ARHGEF3: variants seen among roughly 807,000 people sequenced by gnomAD.
ARHGEF3 encodes the protein Rho guanine nucleotide exchange factor 3.
ARHGEF3 carries 28 observed loss-of-function variants against 63.2 expected under a neutral mutation model. That is an observed-to-expected ratio of 0.44 (90% confidence interval 0.33 to 0.61). The LOEUF is 0.61. ARHGEF3 is among the 20% of genes least tolerant of loss of function. The pLI is 0.03. For synonymous variants in ARHGEF3, 266 were observed against 254.2 expected (o/e 1.05, Z -0.44); for missense variants, 533 against 659.3 (o/e 0.81, Z 2.10).
At chr3:57,030,531 C>T (rs1265343598) in intron 2 of ARHGEF3, among the ~76,000 whole-genome samples, 2 of 152,190 alleles carry the variant, frequency 1.3e-5, no homozygotes, top group Non-Finnish European at 2.9e-5. Flanking sequence ...ATTAAATCTT[C>T]CCATTTCTCC....
At chr3:57,029,852 T>C (rs1201969779) in intron 2 of ARHGEF3, among the ~76,000 whole-genome samples, 1 of 152,124 alleles carries the variant, frequency 6.6e-6, no homozygotes, top group African/African-American at 2.4e-5. Context: ...CTCTCCCTTA[T>C]GTTGGGTTTC....
upstream of ARHGEF3, among the ~76,000 whole-genome samples, chr3:56,806,421 C>A (rs939032398): frequency 3.3e-5 from 5 of 152,264 alleles, no homozygotes; most frequent in African/African-American, 1.2e-4. Context: ...ACTGCTCTAA[C>A]AGGCAGCTTC....
intron 2 of ARHGEF3, among the ~76,000 whole-genome samples, chr3:57,011,282 C>T (rs9866708): frequency 0.026 from 4,012 of 152,256 alleles, 179 homozygotes; most frequent in African/African-American, 0.091. Flanking sequence ...TCTAAAACAA[C>T]GATTTCACCT....
chr3:56,818,720 C>G (rs1207499337), intron 4 of ARHGEF3, among the ~76,000 whole-genome samples: 2 of 152,140 alleles, frequency 1.3e-5, no homozygotes, highest in Non-Finnish European at 2.9e-5. Flanking sequence ...TCCCCCTGCA[C>G]CCCCTGCTGC....
intron 4 of ARHGEF3, among the ~76,000 whole-genome samples, chr3:56,812,695 G>A (rs1438868628): frequency 6.6e-6 from 1 of 152,196 alleles, no homozygotes; most frequent in Non-Finnish European, 1.5e-5. Flanking sequence ...GGCAGATTTT[G>A]CCTGATGTTT....
At chr3:56,754,900 A>G (rs1198514291) in intron 3 of ARHGEF3, 81 bp downstream of exon 3, 1 of 1,566,860 alleles carries the variant, frequency 6.4e-7, no homozygotes, top group African/African-American at 1.4e-5. Context: ...TTGGAGACTA[A>G]GGCGCAAATT....
At chr3:57,013,907 GC>G (rs1327214065) in intron 2 of ARHGEF3, among the ~76,000 whole-genome samples, 2 of 152,214 alleles carry the variant, frequency 1.3e-5, no homozygotes, top group Non-Finnish European at 2.9e-5. Flanking sequence ...AAAGCAGGCT[GC>G]CGGAGCCAGC....
rs763822947 is a variant in ARHGEF3, at chr3:56,801,726, T to C, written c.73A>G (p.Ser25Gly). The C allele has an allele frequency of 1.2e-5, 19 of 1,564,828 alleles. No individual in the cohort carries two copies. In the Admixed American group the frequency reaches 1.5e-4, roughly 12 times the overall value. ...ANCSLELPPASGPAKDAEEPS... is the reference protein window; with the variant it reads ...ANCSLELPPAGGPAKDAEEPS... ...ACCTCAGCGTCCTTGGCCGGACCGC[T>C]GGCCGGGGGTAGCTCCAGGCTGCAG... The change falls in exon 1 of 10, where the codon AGC becomes GGC. Residue 25 changes from serine to glycine, a missense_variant. Physicochemically the swap from Ser to Gly is moderately conservative, Grantham distance 56. Around this residue, in one of 4 missense-constraint regions of ARHGEF3, gnomAD observed 160 missense variants for 157.3 expected, o/e 1.02. Transcript: ENST00000296315.
At chr3:57,022,782 T>C (rs925182626) in intron 2 of ARHGEF3, among the ~76,000 whole-genome samples, 5 of 152,000 alleles carry the variant, frequency 3.3e-5, no homozygotes, top group Non-Finnish European at 5.9e-5. Flanking sequence ...TTTCAAGACA[T>C]GACTCGCAGT....
At chr3:57,013,363 T>G (rs1355684715) in intron 2 of ARHGEF3, among the ~76,000 whole-genome samples, 1 of 152,226 alleles carries the variant, frequency 6.6e-6, no homozygotes, top group Admixed American at 6.5e-5. Context: ...ACTTTTTATG[T>G]CTAGCTGGAG....
At chr3:56,822,956 T>A (rs1205178456) in intron 4 of ARHGEF3, among the ~76,000 whole-genome samples, 1 of 151,876 alleles carries the variant, frequency 6.6e-6, no homozygotes, top group Non-Finnish European at 1.5e-5. Context: ...GGAACTGAGG[T>A]GCACACAGCT....
chr3:56,968,582 G>C (rs1028409288), intron 2 of ARHGEF3, among the ~76,000 whole-genome samples: 9 of 149,460 alleles, frequency 6.0e-5, no homozygotes, highest in Non-Finnish European at 1.2e-4. Context: ...TCCTGCCTCA[G>C]CCTCCCAAAG....
intron 1 of ARHGEF3, among the ~76,000 whole-genome samples, chr3:57,046,630 A>T (rs1470407890): frequency 2.6e-5 from 4 of 152,202 alleles, no homozygotes; most frequent in Non-Finnish European, 5.9e-5. Flanking sequence ...CTGGAGGAAC[A>T]CAACTCGGTT....
intron 1 of ARHGEF3, among the ~76,000 whole-genome samples, chr3:57,044,407 A>G (rs570249271): frequency 4.6e-5 from 7 of 152,328 alleles, no homozygotes; most frequent in East Asian, 1.9e-4. Context: ...GTAAGTCACT[A>G]TCCCTCAAAG....
At chr3:56,968,190 T>TTAA (rs1700707742) in intron 2 of ARHGEF3, among the ~76,000 whole-genome samples, 9 of 13,764 alleles carry the variant, frequency 6.5e-4, no homozygotes, top group African/African-American at 1.3e-3. Context: ...AAATATATAT[T>TTAA]ATATATAATA....
intron 3 of ARHGEF3, among the ~76,000 whole-genome samples, chr3:56,942,682 A>G (rs1202467017): frequency 2.0e-5 from 3 of 152,258 alleles, no homozygotes; most frequent in Non-Finnish European, 4.4e-5. Context: ...AGGCATGTCC[A>G]AAGTTGAGGC....
intron 1 of ARHGEF3, among the ~76,000 whole-genome samples, chr3:56,782,640 T>A (rs2107880978): frequency 9.6e-6 from 1 of 104,348 alleles, no homozygotes; most frequent in Admixed American, 1.2e-4. Context: ...AAGATCCCAA[T>A]TTCCTTCTTA....
At chr3:57,077,830 C>T (rs1706285552) in intron 1 of ARHGEF3, among the ~76,000 whole-genome samples, 1 of 152,160 alleles carries the variant, frequency 6.6e-6, no homozygotes, top group African/African-American at 2.4e-5. Context: ...ATCTCTAATC[C>T]CACATTCTGA....
chr3:57,052,428 C>G (rs1339775537), intron 1 of ARHGEF3, among the ~76,000 whole-genome samples: 1 of 152,140 alleles, frequency 6.6e-6, no homozygotes, highest in African/African-American at 2.4e-5. Context: ...TCCCGAGTAA[C>G]TGGGATTACA....
Sources: gnomAD v4.1 joint callset for allele counts (sites outside exome capture counted in the v4.1 genomes callset) on GRCh38, gnomAD v4.1.1 for gene constraint, gnomAD v4.1.1 regional missense constraint, MANE v1.5 for transcripts, NCBI Gene and HGNC (gene_info 2026-07-23, HGNC 2026-07-21) for gene names.